NAA35: variants seen among roughly 807,000 people sequenced by gnomAD.
NAA35 encodes MAK10 homolog, amino-acid N-acetyltransferase subunit.
In NAA35, 18 loss-of-function variants were observed where a neutral mutation model predicts 101.7. The ratio of observed to expected loss-of-function variants is 0.18; its 90% CI spans 0.12 to 0.26. The LOEUF (loss-of-function observed/expected upper bound fraction) is 0.26, where lower values mean the gene tolerates loss of function less well. NAA35 is among the 10% of genes least tolerant of loss of function. NAA35 has a pLI of 1.00. For missense variants in NAA35, 601 were observed against 886.8 expected (o/e 0.68, Z 4.09); for synonymous variants, 267 against 273.1 (o/e 0.98, Z 0.22).
In NAA35 at chr9:86,015,798, G is replaced by A. The variant is rs188479760; in HGVS notation, c.1569-741G>A. 10 of 979,104 alleles carry A rather than the reference G, an allele frequency of 1.0e-5. No individual in the cohort carries two copies. In the East Asian group the frequency reaches 1.1e-3, roughly 111 times the overall value. The allele number at this position is 979,104 out of a possible 1,614,324, so 60.7% of individuals were successfully genotyped here. Reference sequence around the variant, plus strand: ...TGTCCTTAGGTTAGATAAACAGAAGGTAGAAGACATCATCAGTTGCCTATA... The same window carrying A: ...TGTCCTTAGGTTAGATAAACAGAAGATAGAAGACATCATCAGTTGCCTATA... On this transcript the variant is annotated intron_variant, in intron 17 of 22. Coordinates refer to ENST00000361671, the MANE Select transcript of NAA35 (RefSeq NM_024635.4).
Position 86,013,907 on chromosome 9 carries a change from C to T in NAA35, c.1568+10C>T. ...ACTATTACATATATTGGTAAGAGCA[C>T]AGTTTGAGTTAAAATTGGTGGTGGG... On this transcript the variant is annotated intron_variant, in intron 17 of 22. Transcript: ENST00000361671. 1 of 1,561,484 alleles carries T rather than the reference C, an allele frequency of 6.4e-7. No individual in the cohort carries two copies.
intron 11 of NAA35, chr9:85,986,365 G>T: frequency 2.1e-6 from 1 of 467,330 alleles, no homozygotes. Flanking sequence ...TGATCTAACA[G>T]TGTTGTAGGT....
intron 6 of NAA35, among the ~76,000 whole-genome samples, chr9:85,968,131 G>A (rs766514530): frequency 6.6e-6 from 1 of 151,962 alleles, no homozygotes; most frequent in South Asian, 2.1e-4. Flanking sequence ...GCTTTAGTTC[G>A]TCAACCTTAG....
chr9:85,947,055 A>G (rs1454673059), intron 2 of NAA35, among the ~76,000 whole-genome samples: 2 of 152,306 alleles, frequency 1.3e-5, no homozygotes, highest in Non-Finnish European at 2.9e-5. Context: ...ATGTTTCTTC[A>G]AACTGGAGAA....
At chr9:86,016,808 G>A (rs1031471685) in intron 18 of NAA35, 133 bp downstream of exon 18, 10 of 822,542 alleles carry the variant, frequency 1.2e-5, no homozygotes, top group Middle Eastern at 3.6e-4. Context: ...ATAAGGTAGA[G>A]ACTGAGTCCC....
At chr9:85,999,566 C>T (rs952522400) in intron 12 of NAA35, among the ~76,000 whole-genome samples, 1 of 152,158 alleles carries the variant, frequency 6.6e-6, no homozygotes, top group African/African-American at 2.4e-5. Flanking sequence ...TTTCACTGAA[C>T]CCTCTGAGGA....
Position 86,013,698 on chromosome 9 carries a change from T to G in NAA35, c.1390-21T>G, listed in dbSNP as rs771650389. ...TTAAGAAAACAAAACGAACACAGTT[T>G]ATGACATTTTATTTTAATAGGCAGA... On this transcript the variant is annotated intron_variant, in intron 16 of 22. Coordinates refer to ENST00000361671, the MANE Select transcript of NAA35 (RefSeq NM_024635.4). 43 of 1,605,948 alleles carry G rather than the reference T, an allele frequency of 2.7e-5. 1 individual carries two copies. The Middle Eastern group carries it at 5.0e-4, about 19-fold the overall frequency.
At chr9:86,016,253 A>G (rs552087203) in intron 17 of NAA35, among the ~76,000 whole-genome samples, 143 of 152,292 alleles carry the variant, frequency 9.4e-4, no homozygotes, top group African/African-American at 3.3e-3. Context: ...AAATATTTAT[A>G]GACTGAACTG....
chr9:86,002,264 C>T (rs1831447595), intron 12 of NAA35, among the ~76,000 whole-genome samples: 1 of 152,094 alleles, frequency 6.6e-6, no homozygotes, highest in Admixed American at 6.5e-5. Flanking sequence ...TTAGGTTACT[C>T]GCCCTTTCTT....
At chr9:85,995,531 G>A (rs1831117145) in intron 11 of NAA35, among the ~76,000 whole-genome samples, 1 of 151,942 alleles carries the variant, frequency 6.6e-6, no homozygotes, top group African/African-American at 2.4e-5. Flanking sequence ...AACAATTATG[G>A]TTTATATATC....
intron 6 of NAA35, 113 bp downstream of exon 6, chr9:85,962,293 C>T (rs920475986): frequency 3.5e-6 from 3 of 863,050 alleles, no homozygotes; most frequent in Admixed American, 5.6e-5. Context: ...GAGTTTGAGA[C>T]CAGCCTGGCC....
intron 2 of NAA35, among the ~76,000 whole-genome samples, chr9:85,950,680 C>A (rs1471021594): frequency 6.6e-6 from 1 of 152,034 alleles, no homozygotes; most frequent in Non-Finnish European, 1.5e-5. Context: ...CTATTTGGTA[C>A]CCACATTTAC....
chr9:86,017,465 T>G, intron 18 of NAA35, 33 bp from the exon 19 acceptor site: 1 of 1,601,940 alleles, frequency 6.2e-7, no homozygotes, highest in Middle Eastern at 1.7e-4. Context: ...AGGAAAAGAT[T>G]ATGGAAGATT....
intron 6 of NAA35, 130 bp downstream of exon 6, chr9:85,962,310 G>A: frequency 1.5e-6 from 1 of 682,906 alleles, no homozygotes; most frequent in South Asian, 1.9e-5. Flanking sequence ...GGCCAACATG[G>A]TGAAACACTG....
chr9:86,004,541 C>A (rs1187837483), intron 13 of NAA35, among the ~76,000 whole-genome samples: 1 of 151,194 alleles, frequency 6.6e-6, no homozygotes, highest in Non-Finnish European at 1.5e-5. Flanking sequence ...AAAAGAAGAG[C>A]ATATTAAAAC....
chr9:86,018,270 G>A lies in NAA35; in HGVS notation c.1789G>A (p.Asp597Asn). ...AGMFKTMVAFDMDGKVRKPKF... is the reference protein window; with the variant it reads ...AGMFKTMVAFNMDGKVRKPKF... ...TTTCATTTAGACCATGGTAGCATTT[G>A]ACATGGACGGCAAAGTACGTAAACC... The change falls in exon 20 of 23, where the codon GAC becomes AAC. Residue 597 changes from aspartate to asparagine, a missense_variant. Asp to Asn is a conservative substitution (Grantham distance 23). Transcript: ENST00000361671. 1 of 1,612,510 alleles carries A rather than the reference G, an allele frequency of 6.2e-7. No individual in the cohort carries two copies.
rs576281987 is a variant in NAA35, at chr9:86,018,951, G to A, written c.2037+130G>A. 3.9e-5 allele frequency: 47 copies of A among 1,191,086 alleles called. No individual in the cohort carries two copies. The African/African-American group carries it at 5.4e-4, about 14-fold the overall frequency. 73.8% of individuals were successfully genotyped at this position (1,191,086 alleles called of 1,614,324 possible). A position where few individuals can be genotyped will look rare whatever the true frequency, so the allele number is the denominator to read the frequency against. On this transcript the variant is annotated intron_variant, in intron 21 of 22. Coordinates refer to ENST00000361671, the MANE Select transcript of NAA35 (RefSeq NM_024635.4). ...TGAATAGAACTTGGCGTGTTTCTGCGAAGGATTTCAGGTAGTTTTGTCAAA... is the reference window on the plus strand; with the variant it reads ...TGAATAGAACTTGGCGTGTTTCTGCAAAGGATTTCAGGTAGTTTTGTCAAA...
intron 5 of NAA35, among the ~76,000 whole-genome samples, chr9:85,961,026 G>A (rs989699955): frequency 1.3e-5 from 2 of 152,154 alleles, no homozygotes; most frequent in African/African-American, 4.8e-5. Context: ...AGTGGAGAGT[G>A]GTGGAGAAGG....
At chr9:85,981,896 T>G (rs1830454513) in intron 11 of NAA35, among the ~76,000 whole-genome samples, 1 of 152,204 alleles carries the variant, frequency 6.6e-6, no homozygotes, top group Non-Finnish European at 1.5e-5. Context: ...TGCCTTCTGA[T>G]TATATTACAA....
Sources: allele counts gnomAD v4.1 joint callset (sites outside exome capture counted in the v4.1 genomes callset), GRCh38; gene constraint gnomAD v4.1.1; transcripts MANE v1.5; gene names NCBI Gene and HGNC (gene_info 2026-07-23, HGNC 2026-07-21).